MINPP1: variants seen among roughly 807,000 people sequenced by gnomAD.
MINPP1 encodes the protein multiple inositol-polyphosphate phosphatase 1, also known as multiple inositol polyphosphate phosphatase 1.
In MINPP1, 28 loss-of-function variants were observed where a neutral mutation model predicts 46.1. The observed-to-expected ratio is 0.61, with a 90% CI of 0.45 to 0.83. The LOEUF (loss-of-function observed/expected upper bound fraction) is 0.83, where lower values mean the gene tolerates loss of function less well. Among genes scored for constraint, MINPP1 ranks in the 40% least tolerant of loss-of-function variants. The probability of loss-of-function intolerance (pLI) is 0.00; values close to 1 mark genes in which losing one functional copy is unlikely to be tolerated. For synonymous variants in MINPP1, 268 were observed against 249.1 expected (o/e 1.08, Z -0.72); for missense variants, 603 against 610.0 (o/e 0.99, Z 0.12).
Position 87,552,338 on chromosome 10 carries a change from G to T in MINPP1, c.1324G>T (p.Val442Leu), listed in dbSNP as rs1224616372. 2 of 1,613,732 alleles carry T rather than the reference G, an allele frequency of 1.2e-6. No homozygotes were observed. Among genetic ancestry groups the T allele is most frequent in the South Asian group, 1.1e-5 (1 of 91,064 alleles). ...AGTGCAGATGTTATTAAATGAAAAG[G>T]TGTTACCTTTGGCTTACTCACAAGA... is the stretch of plus-strand genomic sequence containing the variant. ...FRVQMLLNEK[V>L]LPLAYSQETV... is the part of the protein sequence containing the mutation. The change falls in exon 5 of 5, where the codon GTG (valine) becomes TTG (leucine). Residue 442 changes from valine (V) to leucine (L), a missense_variant. Val to Leu is a conservative substitution (Grantham distance 32). Around this residue, in one of 3 missense-constraint regions of MINPP1, gnomAD observed 344 missense variants for 381.1 expected, o/e 0.90. Transcript: ENST00000371996.
intron 4 of MINPP1, among the ~76,000 whole-genome samples, chr10:87,526,321 T>G (rs1352143332): frequency 1.3e-5 from 2 of 152,236 alleles, no homozygotes; most frequent in Non-Finnish European, 2.9e-5. Flanking sequence ...TTTTTTCATG[T>G]GTCTGTTGGC....
At chr10:87,517,950 C>T (rs1022074669) in intron 3 of MINPP1, among the ~76,000 whole-genome samples, 1 of 151,028 alleles carries the variant, frequency 6.6e-6, no homozygotes, top group African/African-American at 2.4e-5. Context: ...GTGTGAGCCA[C>T]TGCACCTGGC....
At position 87,513,534 on chromosome 10, in the gene MINPP1, A is replaced by G. The variant is rs1051856830; in HGVS notation, c.933+313A>G. ...AATTTTACTGCTTGGAAGGGATTAT[A>G]GAGCTGATATAATCCCAGATTCTTT... On this transcript the variant is annotated intron_variant, in intron 3 of 4. Coordinates refer to ENST00000371996, the MANE Select transcript of MINPP1 (RefSeq NM_004897.5). Among the ~76,000 whole-genome samples, 2 of 152,194 alleles carry G rather than the reference A, an allele frequency of 1.3e-5. 1 individual carries two copies. Among genetic ancestry groups the G allele is most frequent in the Admixed American group, 1.3e-4 (2 of 15,288 alleles).
intron 3 of MINPP1, among the ~76,000 whole-genome samples, chr10:87,518,547 C>A (rs567455302): frequency 9.2e-5 from 14 of 152,054 alleles, no homozygotes; most frequent in Admixed American, 8.5e-4. Context: ...TGTGTGGGAG[C>A]CTTTCCCCTG....
intron 4 of MINPP1, among the ~76,000 whole-genome samples, chr10:87,522,138 A>ATT (rs1851510640): frequency 6.6e-6 from 1 of 152,222 alleles, no homozygotes; most frequent in South Asian, 2.1e-4. Context: ...TAATCTGAGT[A>ATT]TTTAACAAAA....
intron 4 of MINPP1, among the ~76,000 whole-genome samples, chr10:87,541,445 A>G (rs1211842270): frequency 6.6e-6 from 1 of 152,228 alleles, no homozygotes; most frequent in Non-Finnish European, 1.5e-5. Flanking sequence ...TGAATTTTAT[A>G]CCTCATGATT....
At chr10:87,550,803 A>C (rs1851952021) in intron 4 of MINPP1, among the ~76,000 whole-genome samples, 1 of 149,252 alleles carries the variant, frequency 6.7e-6, no homozygotes. Context: ...CTGAAATTCC[A>C]CTCCCAGCAG....
intron 4 of MINPP1, among the ~76,000 whole-genome samples, chr10:87,525,653 C>T (rs1017344507): frequency 8.5e-5 from 13 of 152,128 alleles, no homozygotes; most frequent in Non-Finnish European, 1.5e-4. Flanking sequence ...CCCATTAACT[C>T]GTCATTTACG....
intron 4 of MINPP1, among the ~76,000 whole-genome samples, chr10:87,535,887 C>G (rs1259699983): frequency 6.6e-6 from 1 of 152,126 alleles, no homozygotes; most frequent in Non-Finnish European, 1.5e-5. Flanking sequence ...CGTGATCATG[C>G]CACTGTACTC....
intron 4 of MINPP1, among the ~76,000 whole-genome samples, chr10:87,545,881 G>A (rs1476492893): frequency 6.6e-6 from 1 of 152,184 alleles, no homozygotes; most frequent in East Asian, 1.9e-4. Context: ...TTCTAAGCAA[G>A]AGTAAAAATT....
At chr10:87,509,608 T>C (rs1453785518) in intron 2 of MINPP1, 1 of 207,200 alleles carries the variant, frequency 4.8e-6, no homozygotes, top group East Asian at 1.2e-4. Context: ...GTCCCTTTCC[T>C]GGATCCCATT....
chr10:87,520,415 A>G (rs776158067), intron 3 of MINPP1, among the ~76,000 whole-genome samples: 13 of 152,040 alleles, frequency 8.6e-5, no homozygotes, highest in Non-Finnish European at 1.5e-4. Context: ...GATTTTGCCA[A>G]TTTGCCCTCT....
chr10:87,552,546 G>A lies in MINPP1; in HGVS notation c.*68G>A, dbSNP rs1564686002. ...GTGATTACATGCTTGTAATAGGTAG[G>A]CAATTCCTTGATTACAGGAAGCTTT... is the stretch of plus-strand genomic sequence containing the variant. On this transcript the variant is annotated 3_prime_UTR_variant, in exon 5 of 5. Coordinates refer to ENST00000371996, the MANE Select transcript of MINPP1 (RefSeq NM_004897.5). 2.7e-6 allele frequency: 4 copies of A among 1,461,536 alleles called. No homozygotes were observed. Among genetic ancestry groups the A allele is most frequent in the Admixed American group, 1.7e-5 (1 of 58,476 alleles). 90.5% of individuals were successfully genotyped at this position (1,461,536 alleles called of 1,614,324 possible). A position where few individuals can be genotyped will look rare whatever the true frequency, so the allele number is the denominator to read the frequency against.
intron 2 of MINPP1, among the ~76,000 whole-genome samples, chr10:87,510,087 A>T (rs911799100): frequency 6.6e-6 from 1 of 152,178 alleles, no homozygotes; most frequent in Non-Finnish European, 1.5e-5. Flanking sequence ...ATGATTTTTG[A>T]CAAGTTTATT....
chr10:87,527,397 G>T (rs10047394), intron 4 of MINPP1, among the ~76,000 whole-genome samples: 4 of 151,934 alleles, frequency 2.6e-5, no homozygotes, highest in Admixed American at 6.5e-5. Flanking sequence ...GTATGATATT[G>T]GTTGTGGGTT....
At chr10:87,544,712 A>G (rs1352175300) in intron 4 of MINPP1, among the ~76,000 whole-genome samples, 1 of 152,202 alleles carries the variant, frequency 6.6e-6, no homozygotes, top group African/African-American at 2.4e-5. Context: ...CTCCTTTCTT[A>G]CGGAGCCTAG....
intron 3 of MINPP1, among the ~76,000 whole-genome samples, chr10:87,514,490 C>T (rs997014015): frequency 2.6e-5 from 4 of 152,110 alleles, no homozygotes; most frequent in Admixed American, 1.3e-4. Flanking sequence ...CTTTTAGTCT[C>T]GTTTAACCTG....
chr10:87,508,748 A>G (rs1295457874), intron 2 of MINPP1, among the ~76,000 whole-genome samples: 1 of 152,180 alleles, frequency 6.6e-6, no homozygotes, highest in Admixed American at 6.5e-5. Flanking sequence ...AAATTACTGT[A>G]CAAGATTCTA....
intron 4 of MINPP1, among the ~76,000 whole-genome samples, chr10:87,535,932 A>G (rs1851729571): frequency 6.6e-6 from 1 of 151,964 alleles, no homozygotes; most frequent in South Asian, 2.1e-4. Context: ...CTGTCTCTAA[A>G]TAAATAAATA....
Sources: allele counts gnomAD v4.1 joint callset (sites outside exome capture counted in the v4.1 genomes callset), GRCh38; gene constraint gnomAD v4.1.1; regional missense constraint gnomAD v4.1.1; transcripts MANE v1.5; gene names NCBI Gene and HGNC (gene_info 2026-07-23, HGNC 2026-07-21).